Variants in CACNA2D4 observed in about 807,000 individuals in gnomAD.
CACNA2D4 encodes voltage-dependent calcium channel subunit alpha-2/delta-4.
CACNA2D4 carries 157 observed loss-of-function variants against 163.8 expected under a neutral mutation model. The observed-to-expected ratio is 0.96, with a 90% confidence interval of 0.84 to 1.09. The LOEUF (loss-of-function observed/expected upper bound fraction) is 1.09. CACNA2D4 is among the 50% of genes least tolerant of loss of function. The pLI is 0.00. For synonymous variants in CACNA2D4, 598 were observed against 586.9 expected, an observed-to-expected ratio of 1.02 and a Z score of -0.27; for missense variants, 1,410 against 1,479.9, an observed-to-expected ratio of 0.95 and a Z score of 0.78.
At chr12:1,813,289 G>A (rs1460551506) in intron 26 of CACNA2D4, among the ~76,000 whole-genome samples, 1 of 152,168 alleles carries the variant, frequency 6.6e-6, no homozygotes, top group African/African-American at 2.4e-5. Context: ...TTCTCCTTCA[G>A]GGGGTCCAGG....
At position 1,793,483 on chromosome 12, in the gene CACNA2D4, T is replaced by A; in HGVS notation, c.*172A>T. The A allele has an allele frequency of 1.5e-6, 1 of 657,004 alleles. No individual in the cohort carries two copies. The highest frequency in any genetic ancestry group is 2.7e-5 in the East Asian group (1 of 36,728). 40.7% of individuals were successfully genotyped at this position (657,004 alleles called of 1,614,324 possible). ...TTGAAAGTGGTGCCAGGTGATTGGT[T>A]TCCTGTTCCATCCAGCATTCTCCGG... is the stretch of plus-strand genomic sequence containing the variant. On this transcript the variant is annotated 3_prime_UTR_variant, in exon 38 of 38. Transcript: ENST00000382722.
chr12:1,831,018 G>A (rs1401988049), intron 26 of CACNA2D4: 1 of 1,614,000 alleles, frequency 6.2e-7, no homozygotes, highest in Non-Finnish European at 8.5e-7. Flanking sequence ...CCGCAGCCTG[G>A]AGGTGGACTG....
At chr12:1,915,887 G>T (rs1314586723) in intron 1 of CACNA2D4, among the ~76,000 whole-genome samples, 1 of 152,252 alleles carries the variant, frequency 6.6e-6, no homozygotes. Flanking sequence ...GTCCTACCAT[G>T]TGGCAGCCTG....
Position 1,874,772 on chromosome 12 carries a change from CA to C in CACNA2D4, c.1807-98del. ...CCAGATTAGAGGTGATCCCCAGAAA[CA>C]CTTTTGGTTCTTCCCTTTTTCCTCT... is the stretch of plus-strand genomic sequence containing the variant. On this transcript the variant is annotated intron_variant, in intron 17 of 37. Coordinates refer to ENST00000382722, the MANE Select transcript of CACNA2D4 (RefSeq NM_172364.5). The surrounding 1 kb of genome is among the most constrained non-coding windows in gnomAD (Gnocchi z 4.4). The C allele has an allele frequency of 1.1e-6, 1 of 891,682 alleles. No individual in the cohort carries two copies. Among genetic ancestry groups the C allele is most frequent in the Non-Finnish European group, 1.9e-6 (1 of 537,742 alleles). 55.2% of individuals were successfully genotyped at this position (891,682 alleles called of 1,614,324 possible).
chr12:1,832,062 C>T lies in CACNA2D4; in HGVS notation c.2551+8677G>A, dbSNP rs116346206. 2.6e-3 allele frequency among the ~76,000 whole-genome samples: 397 copies of T among 152,258 alleles called. 5 individuals are homozygous for T. Among genetic ancestry groups the T allele is most frequent in the African/African-American group, 9.1e-3 (376 of 41,544 alleles). On this transcript the variant is annotated intron_variant, in intron 26 of 37. Transcript: ENST00000382722. ...ACTTCCTCTCCCAAGTTTTATTATC[C>T]AAACTTTAAGAAGAAGTCAAATGGG...
Position 1,801,104 on chromosome 12 carries a change from TCATA to T in CACNA2D4, c.2803_2806del (p.Tyr935ThrfsTer27). 1 of 1,613,766 alleles carries T rather than the reference TCATA, an allele frequency of 6.2e-7. No individual in the cohort carries two copies. The highest frequency in any genetic ancestry group is 8.5e-7 in the Non-Finnish European group (1 of 1,179,812). ...CGAGGGTTTGCACATGGCCTGATAG[TCATA>T]CATAGTCACTCTGAAAATCAGAAGC... On this transcript the variant is annotated frameshift_variant, in exon 31 of 38. Coordinates refer to ENST00000382722, the MANE Select transcript of CACNA2D4 (RefSeq NM_172364.5). LOFTEE classifies it high-confidence loss of function.
At position 1,869,851 on chromosome 12, in the gene CACNA2D4, C is replaced by T. The variant is rs1236520043; in HGVS notation, c.1878+4753G>A. Among the ~76,000 whole-genome samples the T allele has an allele frequency of 2.0e-5, 3 of 152,240 alleles. No homozygotes were observed. The highest frequency in any genetic ancestry group is 2.9e-5 in the Non-Finnish European group (2 of 68,048). ...CTTTTCCTTTACACAGTTACAATGT[C>T]TGCACTAAAGTCATTCTAATTCTAA... On this transcript the variant is annotated intron_variant, in intron 18 of 37. Coordinates refer to ENST00000382722, the MANE Select transcript of CACNA2D4 (RefSeq NM_172364.5). This position sits in a 1 kb window ranked among gnomAD's most constrained non-coding sequence, Gnocchi z 4.7.
intron 23 of CACNA2D4, 56 bp from the exon 24 acceptor site, chr12:1,846,745 G>A: frequency 7.0e-7 from 1 of 1,427,520 alleles, no homozygotes; most frequent in Non-Finnish European, 9.6e-7. Flanking sequence ...AGAGCTTGGG[G>A]GCGACCTGCA....
Position 1,834,821 on chromosome 12 carries a change from C to G in CACNA2D4, c.2551+5918G>C. The G allele has an allele frequency of 6.9e-7, 1 of 1,444,768 alleles. No homozygotes were observed. The highest frequency in any genetic ancestry group is 9.1e-7 in the Non-Finnish European group (1 of 1,102,546). 89.5% of individuals were successfully genotyped at this position (1,444,768 alleles called of 1,614,324 possible). A position where few individuals can be genotyped will look rare whatever the true frequency, so the allele number is the denominator to read the frequency against. On this transcript the variant is annotated intron_variant, in intron 26 of 37. Transcript: ENST00000382722. The surrounding 1 kb of genome is among the most constrained non-coding windows in gnomAD (Gnocchi z 7.6). The stretch of plus-strand genomic sequence containing the variant: ...GACCCGGCGCTGGCCACTGCCTCCC[C>G]GAGTCCACCCTCCTCCCCGCCCTCC...
In CACNA2D4 at chr12:1,886,385, A is replaced by G. The variant is rs1866147340; in HGVS notation, c.843-12T>C. 1 of 1,612,116 alleles carries G rather than the reference A, an allele frequency of 6.2e-7. No individual in the cohort carries two copies. Among genetic ancestry groups the G allele is most frequent in the African/African-American group, 1.3e-5 (1 of 74,894 alleles). ...CAGCTTGAATGTACCTGAAGGAAGA[A>G]AGGGACATGCCCAAGATGGGAAAAC... is the stretch of plus-strand genomic sequence containing the variant. On this transcript the variant is annotated splice_polypyrimidine_tract_variant and intron_variant, in intron 7 of 37. Transcript: ENST00000382722.
intron 26 of CACNA2D4, among the ~76,000 whole-genome samples, chr12:1,813,783 G>T: frequency 6.6e-6 from 1 of 152,300 alleles, no homozygotes; most frequent in South Asian, 2.1e-4. Context: ...GCTGAAAGGA[G>T]TGGGCTGGAA....
intron 6 of CACNA2D4, among the ~76,000 whole-genome samples, chr12:1,888,530 T>G (rs1274449559): frequency 6.6e-6 from 1 of 151,942 alleles, no homozygotes; most frequent in Non-Finnish European, 1.5e-5. Flanking sequence ...AAACACAAAC[T>G]AGGTAGGTAT....
intron 13 of CACNA2D4, among the ~76,000 whole-genome samples, chr12:1,881,070 G>T (rs1865984407): frequency 6.6e-6 from 1 of 152,200 alleles, no homozygotes; most frequent in Non-Finnish European, 1.5e-5. Flanking sequence ...GGGTTCCGAA[G>T]TGGGTCCGGG....
intron 4 of CACNA2D4, among the ~76,000 whole-genome samples, chr12:1,909,688 T>C (rs1866765744): frequency 6.6e-6 from 1 of 152,256 alleles, no homozygotes; most frequent in Admixed American, 6.5e-5. Flanking sequence ...ACTTGTGATG[T>C]GCTTTATACC....
At position 1,878,845 on chromosome 12, in the gene CACNA2D4, G is replaced by T; in HGVS notation, c.1644+111C>A. On this transcript the variant is annotated intron_variant, in intron 15 of 37. Transcript: ENST00000382722. The surrounding 1 kb of genome is among the most constrained non-coding windows in gnomAD (Gnocchi z 4.6). Reference sequence around the variant, plus strand: ...GCACTTCTTGGGCAGTGATGGAGGGGCCCCACCCCAGCTCTGGGCTTGGCT... The same window carrying T: ...GCACTTCTTGGGCAGTGATGGAGGGTCCCCACCCCAGCTCTGGGCTTGGCT... The T allele has an allele frequency of 9.8e-7, 1 of 1,024,446 alleles. No individual in the cohort carries two copies. Among genetic ancestry groups the T allele is most frequent in the Non-Finnish European group, 1.4e-6 (1 of 697,392 alleles). The allele number at this position is 1,024,446 out of a possible 1,614,324, so 63.5% of individuals were successfully genotyped here.
chr12:1,847,868 T>TA (rs200794864), intron 23 of CACNA2D4, among the ~76,000 whole-genome samples: 994 of 31,472 alleles, frequency 0.032, 4 homozygotes, highest in Non-Finnish European at 0.035. Context: ...GAAATAACAT[T>TA]TAAAAAAACT....
rs1865105011 is a variant in CACNA2D4, at chr12:1,844,709, A to T, written c.2343-180T>A. 6.6e-6 allele frequency among the ~76,000 whole-genome samples: 1 copy of T among 152,222 alleles called. No individual in the cohort carries two copies. The highest frequency in any genetic ancestry group is 1.5e-5 in the Non-Finnish European group (1 of 68,040). Reference sequence around the variant, plus strand: ...CCTTTTCCAGAAACAAAACGATGTCATGTTGCATCTAGCTAGCAGCTGGAA... The same window carrying T: ...CCTTTTCCAGAAACAAAACGATGTCTTGTTGCATCTAGCTAGCAGCTGGAA... On this transcript the variant is annotated intron_variant, in intron 24 of 37. Coordinates refer to ENST00000382722, the MANE Select transcript of CACNA2D4 (RefSeq NM_172364.5). The surrounding 1 kb of genome is among the most constrained non-coding windows in gnomAD (Gnocchi z 4.2).
chr12:1,810,665 G>T (rs1331127631), intron 27 of CACNA2D4, 78 bp from the exon 28 acceptor site: 7 of 1,399,626 alleles, frequency 5.0e-6, no homozygotes, highest in Admixed American at 2.0e-5. Context: ...AATGCTGTGT[G>T]TGTGGTACGT....
intron 26 of CACNA2D4, chr12:1,835,519 G>A (rs1864821434): frequency 6.6e-6 from 1 of 152,564 alleles, no homozygotes; most frequent in African/African-American, 2.4e-5. Flanking sequence ...GGGTCTCCCT[G>A]AGACCACAGA....
Sources: gnomAD v4.1 joint callset for allele counts (sites outside exome capture counted in the v4.1 genomes callset) on GRCh38, gnomAD v4.1.1 for gene constraint, Gnocchi (gnomAD v3.1) non-coding constraint, MANE v1.5 for transcripts, NCBI Gene and HGNC (gene_info 2026-07-23, HGNC 2026-07-21) for gene names.